The following ANXA6 variants were observed in gnomAD, a reference collection of about 807,000 sequenced individuals.
ANXA6 encodes the protein annexin A6, also known as 67 kDa calelectrin.
In ANXA6, 71 loss-of-function variants were observed where a neutral mutation model predicts 95.4. The ratio of observed to expected loss-of-function variants is 0.74; its 90% confidence interval spans 0.61 to 0.91. ANXA6 has a LOEUF of 0.91. Among genes scored for constraint, ANXA6 ranks in the 40% least tolerant of loss-of-function variants. The pLI is 0.00. For missense variants in ANXA6, 830 were observed against 876.4 expected (o/e 0.95, Z 0.67); for synonymous variants, 289 against 315.9 (o/e 0.91, Z 0.90).
chr5:151,105,098 G>A, intron 24 of ANXA6, 147 bp downstream of exon 24: 1 of 787,116 alleles, frequency 1.3e-6, no homozygotes, highest in Non-Finnish European at 2.2e-6. Context: ...CCATCCTAGA[G>A]CCAGACAAGG....
chr5:151,136,820 C>A (rs568058950), intron 6 of ANXA6, among the ~76,000 whole-genome samples: 1 of 152,246 alleles, frequency 6.6e-6, no homozygotes, highest in Non-Finnish European at 1.5e-5. Flanking sequence ...TTTGCACTTG[C>A]CGTGACCTCT....
Position 151,132,813 on chromosome 5 carries a change from T to C in ANXA6, c.641-242A>G, listed in dbSNP as rs115112983. ...CATGGAGACAGGACTGGCACTGAGATGGAAGGCCAAGCATCCTGTTAATGA... is the reference window on the plus strand; with the variant it reads ...CATGGAGACAGGACTGGCACTGAGACGGAAGGCCAAGCATCCTGTTAATGA... On this transcript the variant is annotated intron_variant, in intron 9 of 25. Coordinates refer to ENST00000354546, the MANE Select transcript of ANXA6 (RefSeq NM_001155.5). 6.3e-3 allele frequency among the ~76,000 whole-genome samples: 965 copies of C among 152,058 alleles called. 5 individuals are homozygous for C. Among genetic ancestry groups the C allele is most frequent in the Admixed American group, 0.011 (167 of 15,292 alleles).
intron 13 of ANXA6, among the ~76,000 whole-genome samples, chr5:151,127,748 G>A (rs1192150663): frequency 6.6e-6 from 1 of 152,186 alleles, no homozygotes; most frequent in Non-Finnish European, 1.5e-5. Flanking sequence ...GCCTTCATCA[G>A]GGGCTTCCTC....
intron 10 of ANXA6, 53 bp from the exon 11 acceptor site, chr5:151,131,342 T>G: frequency 6.4e-7 from 1 of 1,570,718 alleles, no homozygotes; most frequent in Non-Finnish European, 8.8e-7. Context: ...AGAAGGGGGA[T>G]GGGATGGCCT....
At chr5:151,156,241 C>A (rs909889958) in intron 1 of ANXA6, among the ~76,000 whole-genome samples, 1 of 152,180 alleles carries the variant, frequency 6.6e-6, no homozygotes, top group Non-Finnish European at 1.5e-5. Flanking sequence ...AATCTTAGAA[C>A]AGTTGAATCC....
chr5:151,125,910 T>C (rs1184219749), intron 14 of ANXA6, among the ~76,000 whole-genome samples: 1 of 152,154 alleles, frequency 6.6e-6, no homozygotes, highest in Non-Finnish European at 1.5e-5. Flanking sequence ...AACAGAGAGC[T>C]CCAAGGTCCC....
chr5:151,119,520 C>T, intron 17 of ANXA6, 130 bp from the exon 18 acceptor site: 1 of 710,574 alleles, frequency 1.4e-6, no homozygotes, highest in Non-Finnish European at 2.4e-6. Context: ...ACATGGCCCT[C>T]AGGCCCAAGA....
Position 151,136,341 on chromosome 5 carries a change from GA to G in ANXA6, c.410-7del. ...CTCCAGGTCCCGCTCGTAGGCTGCAGAAAGGAACGCAAGCTCTAGTCTCATC... is the reference window on the plus strand; with the variant it reads ...CTCCAGGTCCCGCTCGTAGGCTGCAGAAGGAACGCAAGCTCTAGTCTCATC... On this transcript the variant is annotated splice_region_variant and splice_polypyrimidine_tract_variant and intron_variant, in intron 6 of 25. Coordinates refer to ENST00000354546, the MANE Select transcript of ANXA6 (RefSeq NM_001155.5). 6.2e-7 allele frequency: 1 copy of G among 1,613,856 alleles called. No individual in the cohort carries two copies. The highest frequency in any genetic ancestry group is 8.5e-7 in the Non-Finnish European group (1 of 1,179,758).
intron 13 of ANXA6, among the ~76,000 whole-genome samples, chr5:151,127,887 G>T (rs1012414): frequency 6.6e-6 from 1 of 152,038 alleles, no homozygotes; most frequent in African/African-American, 2.4e-5. Context: ...AGCAGGGATT[G>T]GATGCTCATA....
At chr5:151,132,697 C>T in intron 9 of ANXA6, 126 bp from the exon 10 acceptor site, 2 of 761,808 alleles carry the variant, frequency 2.6e-6, no homozygotes, top group African/African-American at 1.8e-5. Flanking sequence ...AGGGCTGGTG[C>T]TATGATGGAG....
At chr5:151,152,454 G>A (rs1386659063) in intron 1 of ANXA6, among the ~76,000 whole-genome samples, 2 of 152,158 alleles carry the variant, frequency 1.3e-5, no homozygotes, top group Non-Finnish European at 2.9e-5. Context: ...GAATTTCTCT[G>A]CCTCAGTTTC....
intron 1 of ANXA6, among the ~76,000 whole-genome samples, chr5:151,149,569 C>G (rs1258073371): frequency 6.6e-6 from 1 of 152,094 alleles, no homozygotes; most frequent in African/African-American, 2.4e-5. Flanking sequence ...TCCCTGCAAC[C>G]TCCACCTCCC....
intron 20 of ANXA6, among the ~76,000 whole-genome samples, chr5:151,114,646 G>A (rs1282395490): frequency 5.2e-4 from 50 of 95,286 alleles, no homozygotes; most frequent in Non-Finnish European, 7.8e-4. Context: ...AAAAAAAAAA[G>A]TCTGAGTATT....
At chr5:151,128,042 C>T (rs1765377716) in intron 13 of ANXA6, 139 bp downstream of exon 13, 5 of 724,088 alleles carry the variant, frequency 6.9e-6, no homozygotes, top group East Asian at 2.7e-5. Context: ...CAGCAAAAGC[C>T]GCCTTTCACT....
intron 25 of ANXA6, 34 bp from the exon 26 acceptor site, chr5:151,101,541 A>C: frequency 6.5e-7 from 1 of 1,540,746 alleles, no homozygotes; most frequent in Non-Finnish European, 8.8e-7. Flanking sequence ...GAGTGAAAAC[A>C]GTCCTTCCAG....
intron 1 of ANXA6, 58 bp from the exon 2 acceptor site, chr5:151,147,984 T>C: frequency 6.7e-7 from 1 of 1,491,724 alleles, no homozygotes; most frequent in Non-Finnish European, 9.2e-7. Flanking sequence ...TCCCCTTTCT[T>C]TCCCTTACAT....
intron 9 of ANXA6, 59 bp downstream of exon 9, chr5:151,133,035 A>G (rs1765561709): frequency 4.4e-6 from 5 of 1,133,602 alleles, no homozygotes; most frequent in Non-Finnish European, 6.4e-6. Context: ...AAAGAGATAA[A>G]GAAAGGCATT....
chr5:151,156,256 A>G (rs1165444514), intron 1 of ANXA6, among the ~76,000 whole-genome samples: 6 of 152,148 alleles, frequency 3.9e-5, no homozygotes, highest in Non-Finnish European at 1.5e-5. Context: ...GAATCCTAGA[A>G]TGTCTGCACT....
intron 18 of ANXA6, 25 bp from the exon 19 acceptor site, chr5:151,117,862 G>GTA: frequency 6.3e-7 from 1 of 1,596,952 alleles, no homozygotes; most frequent in Non-Finnish European, 8.6e-7. Flanking sequence ...GGGGGTGTGG[G>GTA]TAGCTGCTGG....
Sources: gnomAD v4.1 joint callset for allele counts (sites outside exome capture counted in the v4.1 genomes callset) on GRCh38, gnomAD v4.1.1 for gene constraint, MANE v1.5 for transcripts, NCBI Gene and HGNC (gene_info 2026-07-23, HGNC 2026-07-21) for gene names.